ADK: variants seen among roughly 807,000 people sequenced by gnomAD.
ADK encodes the protein N6,N6-dimethyladenosine kinase.
In ADK, 24 loss-of-function variants were observed where a neutral mutation model predicts 44.7. The observed-to-expected ratio is 0.54, with a 90% confidence interval of 0.39 to 0.76. The LOEUF is 0.76. Ranked by LOEUF, ADK falls within the 30% of genes least tolerant of loss-of-function variation. ADK has a pLI of 0.00. For missense variants in ADK, 321 were observed against 425.1 expected (o/e 0.76, Z 2.15); for synonymous variants, 128 against 142.6 (o/e 0.90, Z 0.73).
At chr10:74,278,093 C>T (rs907078816) in intron 3 of ADK, among the ~76,000 whole-genome samples, 3 of 152,002 alleles carry the variant, frequency 2.0e-5, no homozygotes, top group Admixed American at 1.3e-4. Flanking sequence ...GTAGCTCACC[C>T]CTGTAATCCC....
intron 4 of ADK, among the ~76,000 whole-genome samples, chr10:74,320,327 C>G (rs572694682): frequency 6.6e-6 from 1 of 152,232 alleles, no homozygotes; most frequent in African/African-American, 2.4e-5. Flanking sequence ...AGAATTAGTT[C>G]TTATTCTTAC....
chr10:74,419,802 T>C lies in ADK; in HGVS notation c.555+21223T>C, dbSNP rs898918126. ...TTCTGTAAGTTTTACATTTGGCAGA[T>C]ACCTACTGAGATAACCCCAGCATGT... On this transcript the variant is annotated intron_variant, in intron 6 of 10. Transcript: ENST00000539909. Among the ~76,000 whole-genome samples, 5 of 152,190 alleles carry C rather than the reference T, an allele frequency of 3.3e-5. 1 individual carries two copies. The highest frequency in any genetic ancestry group is 3.3e-4 in the Admixed American group (5 of 15,274).
intron 9 of ADK, among the ~76,000 whole-genome samples, chr10:74,619,610 T>A (rs1019630035): frequency 1.1e-4 from 16 of 152,310 alleles, no homozygotes; most frequent in Middle Eastern, 3.4e-3. Flanking sequence ...AGTAATAAAT[T>A]CTGTGTCTGA....
chr10:74,387,937 C>T (rs1407023397), intron 4 of ADK, among the ~76,000 whole-genome samples: 1 of 151,354 alleles, frequency 6.6e-6, no homozygotes, highest in African/African-American at 2.4e-5. Flanking sequence ...AGAGGAGTTC[C>T]ACTCTTATTG....
chr10:74,668,843 G>A (rs1304406534), intron 9 of ADK, among the ~76,000 whole-genome samples: 2 of 151,996 alleles, frequency 1.3e-5, no homozygotes, highest in East Asian at 1.9e-4. Flanking sequence ...AACCAGCTTG[G>A]GCAACAAAGT....
intron 7 of ADK, among the ~76,000 whole-genome samples, chr10:74,547,444 ATATTTATTTATT>A (rs1230937334): frequency 2.0e-4 from 5 of 25,626 alleles, no homozygotes; most frequent in South Asian, 8.8e-4. Flanking sequence ...ATATATATAT[ATATTTATTTATT>A]TATTTATTTA....
chr10:74,611,174 C>CAG (rs1444597810), intron 9 of ADK, among the ~76,000 whole-genome samples: 3 of 148,384 alleles, frequency 2.0e-5, no homozygotes, highest in African/African-American at 7.9e-5. Flanking sequence ...CAGGTGCCTA[C>CAG]CACCCTGCCC....
intron 7 of ADK, chr10:74,527,920 A>G (rs1424956058): frequency 1.3e-6 from 1 of 792,498 alleles, no homozygotes; most frequent in African/African-American, 1.7e-5. Flanking sequence ...TGTCATCTAT[A>G]GGTTTCTTCG....
chr10:74,540,516 G>A (rs1274476016), intron 7 of ADK, among the ~76,000 whole-genome samples: 3 of 151,860 alleles, frequency 2.0e-5, no homozygotes, highest in South Asian at 4.2e-4. Flanking sequence ...CTGGAGTACA[G>A]TGATGCAATC....
intron 7 of ADK, among the ~76,000 whole-genome samples, chr10:74,551,796 T>C (rs1180991399): frequency 6.6e-6 from 1 of 152,186 alleles, no homozygotes; most frequent in Non-Finnish European, 1.5e-5. Context: ...GCATATAATA[T>C]ACAGTCCTCC....
chr10:74,221,486 C>T (rs1844306397), intron 2 of ADK, among the ~76,000 whole-genome samples: 1 of 152,164 alleles, frequency 6.6e-6, no homozygotes, highest in South Asian at 2.1e-4. Flanking sequence ...CATCAAGCTA[C>T]CAATGAGTTT....
At chr10:74,635,164 T>A (rs1416233139) in intron 9 of ADK, among the ~76,000 whole-genome samples, 1 of 152,038 alleles carries the variant, frequency 6.6e-6, no homozygotes, top group African/African-American at 2.4e-5. Context: ...GCAGAATAAA[T>A]ACAAAGAAAA....
intron 4 of ADK, among the ~76,000 whole-genome samples, chr10:74,333,032 G>A (rs940354193): frequency 5.9e-5 from 9 of 151,696 alleles, no homozygotes; most frequent in African/African-American, 2.2e-4. Flanking sequence ...AGCTTAAATT[G>A]ATTTTATAGA....
intron 3 of ADK, among the ~76,000 whole-genome samples, chr10:74,280,316 A>T (rs1295572003): frequency 1.3e-5 from 2 of 151,656 alleles, no homozygotes; most frequent in Admixed American, 6.6e-5. Context: ...GTTAGCCAGG[A>T]TGGTATGGAT....
chr10:74,477,401 T>A (rs937316223), intron 6 of ADK, among the ~76,000 whole-genome samples: 4 of 151,856 alleles, frequency 2.6e-5, no homozygotes, highest in African/African-American at 9.7e-5. Context: ...AGAGATAGGG[T>A]TTTTCCATGT....
chr10:74,615,334 T>C (rs1236784067), intron 9 of ADK, among the ~76,000 whole-genome samples: 1 of 152,228 alleles, frequency 6.6e-6, no homozygotes, highest in East Asian at 1.9e-4. Context: ...TATTCCATTT[T>C]GGTTTCTTTT....
chr10:74,204,267 A>G (rs143371630), intron 2 of ADK, among the ~76,000 whole-genome samples: 102 of 152,080 alleles, frequency 6.7e-4, no homozygotes, highest in African/African-American at 2.4e-3. Flanking sequence ...AGGTCTTTTT[A>G]AAATAATTTT....
At chr10:74,417,991 A>T (rs1014807229) in intron 6 of ADK, among the ~76,000 whole-genome samples, 2 of 152,162 alleles carry the variant, frequency 1.3e-5, no homozygotes, top group Admixed American at 6.6e-5. Context: ...GCATATTTAT[A>T]TATACAAATA....
intron 6 of ADK, among the ~76,000 whole-genome samples, chr10:74,443,062 T>A (rs1472375938): frequency 6.6e-6 from 1 of 152,170 alleles, no homozygotes; most frequent in Non-Finnish European, 1.5e-5. Flanking sequence ...CTTTTAGTTA[T>A]AGGATGAATA....
Sources: gnomAD v4.1 joint callset for allele counts (sites outside exome capture counted in the v4.1 genomes callset) on GRCh38, gnomAD v4.1.1 for gene constraint, MANE v1.5 for transcripts, NCBI Gene and HGNC (gene_info 2026-07-23, HGNC 2026-07-21) for gene names.